Variants in ME3 observed in about 807,000 individuals in gnomAD.
The protein encoded by ME3 is malic enzyme 3.
A neutral mutation model predicts 68.9 loss-of-function variants in ME3; 48 were observed. That is an observed-to-expected ratio of 0.70 (90% CI 0.55 to 0.89). The LOEUF (loss-of-function observed/expected upper bound fraction) is 0.89, where lower values mean the gene tolerates loss of function less well. Ranked by LOEUF, ME3 falls within the 40% of genes least tolerant of loss-of-function variation. The pLI, the probability that ME3 is intolerant of heterozygous loss-of-function variation, is 0.00. For missense variants in ME3, 675 were observed against 797.4 expected (o/e 0.85, Z 1.85); for synonymous variants, 320 against 318.8 (o/e 1.00, Z -0.04).
chr11:86,541,885 A>G (rs35686713), intron 4 of ME3, among the ~76,000 whole-genome samples: 16,537 of 152,178 alleles, frequency 0.11, 949 homozygotes, highest in African/African-American at 0.14. Context: ...GGGTCAACAG[A>G]TACCTCATAC....
At chr11:86,565,159 C>T (rs1184130816) in intron 2 of ME3, among the ~76,000 whole-genome samples, 1 of 152,096 alleles carries the variant, frequency 6.6e-6, no homozygotes, top group Admixed American at 6.6e-5. Flanking sequence ...TACCACTTTA[C>T]ATCCACTAGA....
At chr11:86,473,880 CTGTT>C (rs1349902884) in intron 7 of ME3, among the ~76,000 whole-genome samples, 7 of 152,156 alleles carry the variant, frequency 4.6e-5, no homozygotes, top group Admixed American at 4.6e-4. Context: ...ATAGGAACGA[CTGTT>C]TGTGGACAAG....
At chr11:86,656,492 G>A (rs9943611) in intron 2 of ME3, among the ~76,000 whole-genome samples, 67,001 of 150,706 alleles carry the variant, frequency 0.44, 16,679 homozygotes, top group Non-Finnish European at 0.57. Flanking sequence ...GCAAACCATC[G>A]CAAGGACAAA....
At chr11:86,448,190 C>T in exon 11 of ME3, 1 of 1,614,160 alleles carries the variant, frequency 6.2e-7, no homozygotes. Context: ...CCACCTCCTC[C>T]AGGGAGTTGA....
rs142564999 is a variant in ME3 at position 86,470,341 on chromosome 11, G to A, written c.810-5141C>T. Among the ~76,000 whole-genome samples, 933 of 152,136 alleles carry A rather than the reference G, an allele frequency of 6.1e-3. 6 individuals carry two copies. The highest frequency in any genetic ancestry group is 0.021 in the African/African-American group (859 of 41,490). ...ACATGCAAGACTTCCACAGCAGAGC[G>A]TTCAGTGAGATTATCAGTTGTCACC... On this transcript the variant is annotated intron_variant, in intron 7 of 14. Coordinates refer to ENST00000543262, the Ensembl canonical transcript of ME3.
At chr11:86,499,316 C>T (rs1003813976) in intron 5 of ME3, among the ~76,000 whole-genome samples, 3 of 152,064 alleles carry the variant, frequency 2.0e-5, no homozygotes, top group African/African-American at 7.2e-5. Context: ...CAAGGAGAGC[C>T]CCTCAGGGTA....
At chr11:86,446,440 C>T (rs369893417) in exon 13 of ME3, 42 of 1,614,096 alleles carry the variant, frequency 2.6e-5, no homozygotes, top group Non-Finnish European at 3.6e-5. Flanking sequence ...TGCCATCTTC[C>T]AGAGTCACAC....
At chr11:86,501,114 G>A (rs1952694012) in intron 5 of ME3, among the ~76,000 whole-genome samples, 1 of 151,508 alleles carries the variant, frequency 6.6e-6, no homozygotes, top group African/African-American at 2.4e-5. Context: ...TTGATGATGT[G>A]CCATGTGTAA....
intron 2 of ME3, among the ~76,000 whole-genome samples, chr11:86,638,258 T>C (rs1036921070): frequency 7.9e-5 from 12 of 152,170 alleles, no homozygotes; most frequent in African/African-American, 2.9e-4. Context: ...CTAAATGATG[T>C]AAGTACAGGG....
At chr11:86,520,950 T>C (rs1267748110) in intron 4 of ME3, among the ~76,000 whole-genome samples, 1 of 152,112 alleles carries the variant, frequency 6.6e-6, no homozygotes, top group Non-Finnish European at 1.5e-5. Context: ...AACTCTAGAG[T>C]TCCATGACTC....
intron 2 of ME3, among the ~76,000 whole-genome samples, chr11:86,570,116 C>T (rs1957706091): frequency 6.6e-6 from 1 of 152,206 alleles, no homozygotes; most frequent in Non-Finnish European, 1.5e-5. Flanking sequence ...GCCATGTTTC[C>T]TTTTACCAGC....
At chr11:86,564,868 T>A (rs997013709) in intron 2 of ME3, among the ~76,000 whole-genome samples, 5 of 152,080 alleles carry the variant, frequency 3.3e-5, no homozygotes, top group African/African-American at 7.2e-5. Flanking sequence ...ATAAAAAAAG[T>A]CTGTGCATCA....
chr11:86,446,383 C>T lies in ME3; in HGVS notation c.1485G>A (p.Gly495=), dbSNP rs369467522. Residue 495 remains glycine, a synonymous_variant, in exon 13 of 15, where the codon GGG becomes GGA. Coordinates refer to ENST00000543262, the Ensembl canonical transcript of ME3. The stretch of plus-strand genomic sequence containing the variant: ...CGCCGGCGATGACTCCCAGTGCCAC[C>T]CCGGGGAACACGTAAGCATTGTTTC... 9.3e-6 allele frequency: 15 copies of T among 1,614,064 alleles called. No homozygotes were observed. The African/African-American group carries it at 1.9e-4, about 20-fold the overall frequency.
chr11:86,578,076 A>AT (rs1307207659), intron 2 of ME3, among the ~76,000 whole-genome samples: 6 of 152,150 alleles, frequency 3.9e-5, no homozygotes, highest in African/African-American at 1.4e-4. Context: ...TGACTTTAGG[A>AT]TTTTGTCCAT....
chr11:86,604,190 A>T (rs1036005936), intron 2 of ME3, among the ~76,000 whole-genome samples: 2 of 152,070 alleles, frequency 1.3e-5, no homozygotes, highest in Non-Finnish European at 2.9e-5. Flanking sequence ...CATCATGCAG[A>T]TGAAGCCTCC....
intron 8 of ME3, among the ~76,000 whole-genome samples, chr11:86,451,760 A>G (rs1044230296): frequency 1.3e-4 from 20 of 152,238 alleles, no homozygotes; most frequent in Non-Finnish European, 2.2e-4. Context: ...ACCATCATCT[A>G]TGGATGTTTG....
intron 7 of ME3, among the ~76,000 whole-genome samples, chr11:86,485,732 C>G (rs959591611): frequency 1.3e-5 from 2 of 152,154 alleles, no homozygotes; most frequent in East Asian, 3.9e-4. Context: ...TATAATCATT[C>G]CCTTGAATAG....
At chr11:86,471,293 G>T (rs913941312) in intron 7 of ME3, among the ~76,000 whole-genome samples, 5 of 151,894 alleles carry the variant, frequency 3.3e-5, no homozygotes, top group African/African-American at 1.2e-4. Flanking sequence ...GCACCACCAA[G>T]CCCAGCTAAT....
At chr11:86,515,645 T>A (rs1230177791) in intron 4 of ME3, among the ~76,000 whole-genome samples, 1 of 152,170 alleles carries the variant, frequency 6.6e-6, no homozygotes, top group Non-Finnish European at 1.5e-5. Context: ...GTCTGGTAAG[T>A]CTGAAGGGGG....
Sources: allele counts gnomAD v4.1 joint callset (sites outside exome capture counted in the v4.1 genomes callset), GRCh38; gene constraint gnomAD v4.1.1; transcripts MANE v1.5; gene names NCBI Gene and HGNC (gene_info 2026-07-23, HGNC 2026-07-21).